The following FOCAD variants were observed in gnomAD, a reference collection of about 807,000 sequenced individuals.
The protein encoded by FOCAD is focadhesin, also known as KIAA1797.
FOCAD carries 198 observed loss-of-function variants against 225.6 expected under a neutral mutation model. The observed-to-expected ratio is 0.88, with a 90% CI of 0.78 to 0.99. The LOEUF (loss-of-function observed/expected upper bound fraction) is 0.99. Among genes scored for constraint, FOCAD ranks in the 50% least tolerant of loss-of-function variants. The pLI is 0.00. For synonymous variants in FOCAD, 897 were observed against 755.0 expected (o/e 1.19, Z -3.08); for missense variants, 2,713 against 2,123.6 (o/e 1.28, Z -5.46).
At chr9:20,757,712 C>T (rs1370169057) in intron 5 of FOCAD, among the ~76,000 whole-genome samples, 2 of 151,970 alleles carry the variant, frequency 1.3e-5, no homozygotes, top group Non-Finnish European at 2.9e-5. Flanking sequence ...AAGAGAGCAG[C>T]GGTAGCAGGA....
chr9:20,995,513 T>C (rs762375484), intron 43 of FOCAD, 43 bp from the exon 44 acceptor site: 2 of 1,527,356 alleles, frequency 1.3e-6, no homozygotes, highest in East Asian at 4.5e-5. Flanking sequence ...TTGATCAAAA[T>C]GACCTTTTCA....
rs771091447 is a variant in FOCAD at position 20,916,940 on chromosome 9, A to G, written c.2852+3A>G. On this transcript the variant is annotated splice_donor_region_variant and intron_variant, in intron 24 of 43. Coordinates refer to ENST00000338382, the MANE Select transcript of FOCAD (RefSeq NM_001375567.1). ...GAGATCACCAAGGCAGCTGCAAAGTAAGATCCATTTAGTCTTTTATCAAAC... is the reference window on the plus strand; with the variant it reads ...GAGATCACCAAGGCAGCTGCAAAGTGAGATCCATTTAGTCTTTTATCAAAC... 6.2e-7 allele frequency: 1 copy of G among 1,600,702 alleles called. No individual in the cohort carries two copies. Among genetic ancestry groups the G allele is most frequent in the Non-Finnish European group, 8.5e-7 (1 of 1,174,624 alleles).
At chr9:20,833,812 G>A (rs1825738402) in intron 15 of FOCAD, among the ~76,000 whole-genome samples, 1 of 151,998 alleles carries the variant, frequency 6.6e-6, no homozygotes, top group South Asian at 2.1e-4. Flanking sequence ...TGGGAAATGT[G>A]CACACCACTG....
Position 20,850,304 on chromosome 9 carries a change from A to T in FOCAD, c.1921-12274A>T, listed in dbSNP as rs896463316. Reference sequence around the variant, plus strand: ...TTTTTCAAAAACATTGTATTATTTTATTTTTATTTTTTTATTTTTATAGAT... The same window carrying T: ...TTTTTCAAAAACATTGTATTATTTTTTTTTTATTTTTTTATTTTTATAGAT... On this transcript the variant is annotated intron_variant, in intron 15 of 43. Coordinates refer to ENST00000338382, the MANE Select transcript of FOCAD (RefSeq NM_001375567.1). Among the ~76,000 whole-genome samples the T allele has an allele frequency of 2.6e-5, 4 of 151,792 alleles. No homozygotes were observed. In the South Asian group the frequency reaches 6.2e-4, roughly 24 times the overall value.
chr9:20,672,776 C>T (rs930166922), intron 2 of FOCAD, among the ~76,000 whole-genome samples: 1 of 152,100 alleles, frequency 6.6e-6, no homozygotes, highest in Non-Finnish European at 1.5e-5. Context: ...TTAAAAATAA[C>T]CAAAGAACCA....
intron 21 of FOCAD, among the ~76,000 whole-genome samples, chr9:20,888,135 T>C (rs1208343795): frequency 1.2e-4 from 17 of 136,734 alleles, no homozygotes; most frequent in Middle Eastern, 3.4e-3. Context: ...TTTTTTTTTT[T>C]CTTCTTTTTT....
intron 18 of FOCAD, among the ~76,000 whole-genome samples, chr9:20,867,537 T>C (rs144334113): frequency 1.3e-5 from 2 of 152,180 alleles, no homozygotes; most frequent in African/African-American, 4.8e-5. Context: ...GGAAGTCAAA[T>C]TGTCCCTGTT....
intron 2 of FOCAD, among the ~76,000 whole-genome samples, chr9:20,667,549 ATCTT>A (rs1821931786): frequency 6.6e-6 from 1 of 152,248 alleles, no homozygotes; most frequent in Non-Finnish European, 1.5e-5. Context: ...TGACAAAGGA[ATCTT>A]TCTTTCTAAT....
intron 1 of FOCAD, among the ~76,000 whole-genome samples, chr9:20,698,498 T>G (rs1208882106): frequency 6.6e-6 from 1 of 152,102 alleles, no homozygotes; most frequent in Non-Finnish European, 1.5e-5. Context: ...CCTCCTGGGC[T>G]CAAACAGTCC....
intron 5 of FOCAD, among the ~76,000 whole-genome samples, chr9:20,743,144 A>T (rs1000292483): frequency 3.9e-5 from 6 of 152,174 alleles, no homozygotes; most frequent in Admixed American, 3.9e-4. Context: ...TCTTTGCCAC[A>T]TGTTGGTTAG....
chr9:20,959,500 GTTGA>G (rs1268700672), intron 35 of FOCAD, among the ~76,000 whole-genome samples: 22 of 152,138 alleles, frequency 1.4e-4, no homozygotes, highest in African/African-American at 4.6e-4. Flanking sequence ...TTTTCATGTT[GTTGA>G]TTATTTCCTT....
At chr9:20,676,515 T>A (rs1216905049) in intron 2 of FOCAD, among the ~76,000 whole-genome samples, 1 of 152,210 alleles carries the variant, frequency 6.6e-6, no homozygotes, top group Non-Finnish European at 1.5e-5. Flanking sequence ...ACTCACATTA[T>A]GGTAAAGTCA....
chr9:20,834,305 A>T (rs1825786906), intron 15 of FOCAD, among the ~76,000 whole-genome samples: 1 of 151,390 alleles, frequency 6.6e-6, no homozygotes, highest in Non-Finnish European at 1.5e-5. Context: ...GTTGTGGGGG[A>T]GGGGGAGGGA....
At chr9:20,657,260 A>G (rs1465163683), upstream of FOCAD, among the ~76,000 whole-genome samples, 1 of 136,858 alleles carries the variant, frequency 7.3e-6, no homozygotes, top group Non-Finnish European at 1.6e-5. Flanking sequence ...TGTGTCTTGG[A>G]GTTGCTCTTC....
chr9:20,984,417 T>A (rs180890238), intron 39 of FOCAD, among the ~76,000 whole-genome samples: 68 of 152,352 alleles, frequency 4.5e-4, no homozygotes, highest in African/African-American at 1.5e-3. Context: ...AAGGGTCATA[T>A]CTGTTGACAT....
At chr9:20,834,851 A>G (rs1825844940) in intron 15 of FOCAD, among the ~76,000 whole-genome samples, 1 of 152,136 alleles carries the variant, frequency 6.6e-6, no homozygotes, top group African/African-American at 2.4e-5. Context: ...GTGATGTGCT[A>G]TACATACAAA....
intron 1 of FOCAD, among the ~76,000 whole-genome samples, chr9:20,690,315 A>G (rs1822898934): frequency 6.6e-6 from 1 of 152,172 alleles, no homozygotes; most frequent in Non-Finnish European, 1.5e-5. Context: ...TATTCCGTTC[A>G]TTATGCAAGT....
Position 20,859,652 on chromosome 9 carries a change from A to G in FOCAD, c.1921-2926A>G, listed in dbSNP as rs1231891398. On this transcript the variant is annotated intron_variant, in intron 15 of 43. Transcript: ENST00000338382. ...AAAAATTTATTTTGAAATTATTTAA[A>G]CTTATGGAAAAGTTTAAAGCATATA... Among the ~76,000 whole-genome samples, 4 of 147,700 alleles carry G rather than the reference A, an allele frequency of 2.7e-5. No individual in the cohort carries two copies. The Admixed American group carries it at 2.7e-4, about 10-fold the overall frequency.
At position 20,995,531 on chromosome 9, in the gene FOCAD, C is replaced by T. The variant is rs773330105; in HGVS notation, c.5333-25C>T. On this transcript the variant is annotated intron_variant, in intron 43 of 43. Transcript: ENST00000338382. ...ATCAAAATGACCTTTTCAAATGCAG[C>T]CATACCTATATTTTGTCCCCTTAGC... 84 of 1,593,448 alleles carry T rather than the reference C, an allele frequency of 5.3e-5. 2 individuals are homozygous for T. In the South Asian group the frequency reaches 8.7e-4, roughly 17 times the overall value.
Sources: allele counts gnomAD v4.1 joint callset (sites outside exome capture counted in the v4.1 genomes callset), GRCh38; gene constraint gnomAD v4.1.1; transcripts MANE v1.5; gene names NCBI Gene and HGNC (gene_info 2026-07-23, HGNC 2026-07-21).